GNG2: variants seen among roughly 807,000 people sequenced by gnomAD.
GNG2 encodes the protein G protein subunit gamma 2.
A neutral mutation model predicts 5.5 loss-of-function variants in GNG2; 5 were observed. The observed-to-expected ratio is 0.91, with a 90% CI of 0.48 to 1.92. GNG2 has a LOEUF of 1.92. Among genes scored for constraint, GNG2 ranks in the 30% most tolerant of loss-of-function variants. The pLI is 0.01. For synonymous variants in GNG2, 28 were observed against 32.0 expected (o/e 0.88, Z 0.42); for missense variants, 55 against 88.4 (o/e 0.62, Z 1.52).
intron 2 of GNG2, chr14:51,916,630 G>A (rs1187855781): frequency 7.7e-6 from 3 of 390,324 alleles, no homozygotes; most frequent in Non-Finnish European, 5.0e-6. Flanking sequence ...TAGAAGAAGA[G>A]CCAGGTGCTG....
intron 2 of GNG2, among the ~76,000 whole-genome samples, chr14:51,930,347 G>A: frequency 6.6e-6 from 1 of 152,316 alleles, no homozygotes; most frequent in South Asian, 2.1e-4. Context: ...AATGATTTCA[G>A]ATGAGAGCTC....
At chr14:51,918,899 A>T (rs989848973) in intron 2 of GNG2, among the ~76,000 whole-genome samples, 1 of 152,216 alleles carries the variant, frequency 6.6e-6, no homozygotes, top group Non-Finnish European at 1.5e-5. Context: ...ATCTCAGCTC[A>T]CCGCAACCTC....
rs145256845 is a variant in GNG2, at chr14:51,908,805, C to G, written c.-30+31148C>G. 4.7e-3 allele frequency among the ~76,000 whole-genome samples: 686 copies of G among 146,900 alleles called. 6 individuals are homozygous for G. The highest frequency in any genetic ancestry group is 0.016 in the African/African-American group (645 of 39,514). On this transcript the variant is annotated intron_variant, in intron 2 of 3. Transcript: ENST00000556766. ...ATGTTGGCCAGGCTGGCCTCGAACT[C>G]CTGACCCAGTGGTCTATCCATCTCA... is the stretch of plus-strand genomic sequence containing the variant.
rs539974917 is a variant in GNG2, at chr14:51,945,133, C to CAAACAA, written c.-29-5514_-29-5513insCAAAAA. Among the ~76,000 whole-genome samples, 49 of 150,336 alleles carry CAAACAA rather than the reference C, an allele frequency of 3.3e-4. 1 individual carries two copies. The highest frequency in any genetic ancestry group is 4.0e-4 in the Admixed American group (6 of 15,178). ...ATGAAAACAAAACAAAACAAACAAA[C>CAAACAA]AAAAAAAACGGAAAATAACAAGTGT... On this transcript the variant is annotated intron_variant, in intron 2 of 3. Transcript: ENST00000556766.
intron 2 of GNG2, among the ~76,000 whole-genome samples, chr14:51,914,489 A>G (rs1886491764): frequency 6.6e-6 from 1 of 152,222 alleles, no homozygotes; most frequent in Admixed American, 6.5e-5. Flanking sequence ...TTGGGTGTTA[A>G]GTCCCGTGTA....
At chr14:51,928,353 A>G (rs558653413) in intron 2 of GNG2, among the ~76,000 whole-genome samples, 19 of 152,170 alleles carry the variant, frequency 1.2e-4, no homozygotes, top group Non-Finnish European at 2.6e-4. Flanking sequence ...TTACCGGTGA[A>G]CTTAAAATTA....
intron 3 of GNG2, among the ~76,000 whole-genome samples, chr14:51,965,037 G>A (rs1566719403): frequency 6.6e-6 from 1 of 152,246 alleles, no homozygotes; most frequent in East Asian, 1.9e-4. Flanking sequence ...CGGACGAAGT[G>A]GTATAGAGGA....
At chr14:51,862,432 A>G (rs1882563314) in intron 1 of GNG2, among the ~76,000 whole-genome samples, 1 of 152,242 alleles carries the variant, frequency 6.6e-6, no homozygotes, top group African/African-American at 2.4e-5. Context: ...GACCTAGGAT[A>G]GATCTTCGAT....
chr14:51,899,513 A>G (rs1885414376), intron 2 of GNG2, among the ~76,000 whole-genome samples: 2 of 152,368 alleles, frequency 1.3e-5, no homozygotes, highest in African/African-American at 2.4e-5. Flanking sequence ...GTGGCATTAA[A>G]TGCATTCACA....
intron 2 of GNG2, among the ~76,000 whole-genome samples, chr14:51,927,947 C>G (rs1887427513): frequency 6.6e-6 from 1 of 151,350 alleles, no homozygotes; most frequent in East Asian, 1.9e-4. Flanking sequence ...AGGTTTTTGT[C>G]ATGACCCCAA....
chr14:51,945,001 T>C (rs944886325), intron 2 of GNG2, among the ~76,000 whole-genome samples: 5 of 151,972 alleles, frequency 3.3e-5, no homozygotes, highest in South Asian at 2.1e-4. Flanking sequence ...CAAAGAAATA[T>C]GAATGGCCAA....
intron 2 of GNG2, among the ~76,000 whole-genome samples, chr14:51,907,334 A>G (rs1885997887): frequency 6.6e-6 from 1 of 152,224 alleles, no homozygotes; most frequent in Admixed American, 6.5e-5. Context: ...CAGAAAATAA[A>G]TCATCCTACA....
chr14:51,854,001 C>T (rs1208595644), intron 2 of GNG2, among the ~76,000 whole-genome samples: 1 of 151,962 alleles, frequency 6.6e-6, no homozygotes, highest in African/African-American at 2.4e-5. Flanking sequence ...AGTGATTCTC[C>T]TGCCCCAGCC....
At chr14:51,966,511 C>T (rs1398972172) in intron 3 of GNG2, 48 bp from the exon 4 acceptor site, 4 of 1,582,482 alleles carry the variant, frequency 2.5e-6, no homozygotes, top group Middle Eastern at 3.3e-4. Context: ...TGGGCCTTGA[C>T]TGACTGTACC....
At chr14:51,951,274 C>T (rs952274831) in intron 3 of GNG2, among the ~76,000 whole-genome samples, 1 of 152,166 alleles carries the variant, frequency 6.6e-6, no homozygotes, top group Non-Finnish European at 1.5e-5. Context: ...AGAAGTCAAA[C>T]AACAAAGAGG....
Position 51,868,220 on chromosome 14 carries a change from GT to G in GNG2, c.-71+7432del, listed in dbSNP as rs545923330. The stretch of plus-strand genomic sequence containing the variant: ...AGACTAGGATGAACAAAACTGGTCG[GT>G]TGTTTTCTTGAAACTTACATTCGAG... On this transcript the variant is annotated intron_variant, in intron 1 of 3. Coordinates refer to ENST00000556766, the MANE Select transcript of GNG2 (RefSeq NM_053064.5). Among the ~76,000 whole-genome samples the G allele has an allele frequency of 3.4e-4, 52 of 152,316 alleles. No homozygotes were observed. In the South Asian group the frequency reaches 5.4e-3, roughly 16 times the overall value.
intron 2 of GNG2, among the ~76,000 whole-genome samples, chr14:51,930,058 G>A (rs1887565312): frequency 6.6e-6 from 1 of 152,204 alleles, no homozygotes; most frequent in Non-Finnish European, 1.5e-5. Context: ...GCCCATTCAT[G>A]TTAGCCTCAA....
At chr14:51,933,379 A>G (rs1566696635) in intron 2 of GNG2, among the ~76,000 whole-genome samples, 1 of 152,150 alleles carries the variant, frequency 6.6e-6, no homozygotes, top group Non-Finnish European at 1.5e-5. Flanking sequence ...AAAATTGAAG[A>G]AGAGGAAGTG....
intron 2 of GNG2, among the ~76,000 whole-genome samples, chr14:51,883,135 C>T (rs755027931): frequency 4.6e-5 from 7 of 151,962 alleles, no homozygotes; most frequent in Non-Finnish European, 8.8e-5. Context: ...CTCCTTAAGA[C>T]ATCCCCAAGC....
Sources: allele counts gnomAD v4.1 joint callset (sites outside exome capture counted in the v4.1 genomes callset), GRCh38; gene constraint gnomAD v4.1.1; transcripts MANE v1.5; gene names NCBI Gene and HGNC (gene_info 2026-07-23, HGNC 2026-07-21).